Variants in GOT2 observed in about 807,000 individuals in gnomAD.
The protein encoded by GOT2 is glutamic-oxaloacetic transaminase 2.
GOT2 carries 17 observed loss-of-function variants against 50.0 expected under a neutral mutation model. The ratio of observed to expected loss-of-function variants is 0.34; its 90% confidence interval spans 0.23 to 0.51. The LOEUF (loss-of-function observed/expected upper bound fraction) is 0.51. Ranked by LOEUF, GOT2 falls within the 20% of genes least tolerant of loss-of-function variation. The probability of loss-of-function intolerance (pLI) is 0.97; values close to 1 mark genes in which losing one functional copy is unlikely to be tolerated. For synonymous variants in GOT2, 172 were observed against 204.9 expected, an observed-to-expected ratio of 0.84 and a Z score of 1.37; for missense variants, 430 against 559.6, an observed-to-expected ratio of 0.77 and a Z score of 2.34.
rs2044715193 is a variant in GOT2, at chr16:58,718,641, G to A, written c.483C>T (p.Thr161=). ...TGAAGATGGGTGTGTGGTTTCCCCAGGTTGGTTTGGGCAGAAAGACATCTC... is the reference window on the plus strand; with the variant it reads ...TGAAGATGGGTGTGTGGTTTCCCCAAGTTGGTTTGGGCAGAAAGACATCTC... ...FSRDVFLPKP[T]WGNHTPIFRD... is the part of the protein sequence containing the mutation. The change falls in exon 5 of 10, where the codon ACC becomes ACT. Residue 161 remains threonine (T), a synonymous_variant. Transcript: ENST00000245206. 2.5e-6 allele frequency: 4 copies of A among 1,604,090 alleles called. No homozygotes were observed. Among genetic ancestry groups the A allele is most frequent in the South Asian group, 1.1e-5 (1 of 89,636 alleles).
At position 58,734,008 on chromosome 16, in the gene GOT2, GA is replaced by G. The variant is rs569233623; in HGVS notation, c.89+131del. On this transcript the variant is annotated intron_variant, in intron 1 of 9. Transcript: ENST00000245206. Reference sequence around the variant, plus strand: ...GTAAGGGAAAGCCGAGGGGGTGGCAGAAAAGTGTGTGTGTGTGCGTGTGAGT... The same window carrying G: ...GTAAGGGAAAGCCGAGGGGGTGGCAGAAAGTGTGTGTGTGTGCGTGTGAGT... The G allele has an allele frequency of 3.8e-4, 141 of 374,924 alleles. No individual in the cohort carries two copies. In the African/African-American group the frequency reaches 5.7e-3, roughly 15 times the overall value. The allele number at this position is 374,924 out of a possible 1,614,324, so 23.2% of individuals were successfully genotyped here.
At chr16:58,730,404 A>G (rs553293671) in intron 1 of GOT2, among the ~76,000 whole-genome samples, 366 of 140,054 alleles carry the variant, frequency 2.6e-3, no homozygotes, top group African/African-American at 8.9e-3. Flanking sequence ...TTTTTTTTTG[A>G]GACAGGGTCT....
At chr16:58,732,021 T>C (rs1208139729) in intron 1 of GOT2, among the ~76,000 whole-genome samples, 1 of 152,216 alleles carries the variant, frequency 6.6e-6, no homozygotes, top group Non-Finnish European at 1.5e-5. Context: ...CAACATTAGG[T>C]GCTCAACTAT....
In GOT2 at chr16:58,727,156, TAAAC is replaced by T. The variant is rs560530845; in HGVS notation, c.90-3258_90-3255del. On this transcript the variant is annotated intron_variant, in intron 1 of 9. Coordinates refer to ENST00000245206, the MANE Select transcript of GOT2 (RefSeq NM_002080.4). ...GCAATAGAGCAAGACTCCGTCTCAA[TAAAC>T]AAACAAACAAAGAGATGGGTCTCAC... is the stretch of plus-strand genomic sequence containing the variant. Among the ~76,000 whole-genome samples, 27 of 152,166 alleles carry T rather than the reference TAAAC, an allele frequency of 1.8e-4. No homozygotes were observed. In the South Asian group the frequency reaches 4.6e-3, roughly 26 times the overall value.
At chr16:58,719,298 T>G in intron 3 of GOT2, 43 bp from the exon 4 acceptor site, 26 of 1,419,308 alleles carry the variant, frequency 1.8e-5, no homozygotes, top group Non-Finnish European at 2.3e-5. Context: ...CAACACTCTC[T>G]ATACAGGCCC....
intron 1 of GOT2, 111 bp downstream of exon 1, chr16:58,734,029 G>T: frequency 2.1e-6 from 1 of 480,816 alleles, no homozygotes; most frequent in Non-Finnish European, 3.4e-6. Context: ...GTGTGTGCGT[G>T]TGAGTGACAG....
intron 1 of GOT2, among the ~76,000 whole-genome samples, chr16:58,733,050 C>G (rs1367539880): frequency 6.6e-6 from 1 of 152,234 alleles, no homozygotes; most frequent in East Asian, 1.9e-4. Context: ...AGCATACATT[C>G]AAACGAAAGG....
chr16:58,722,605 G>A (rs1439664594), intron 2 of GOT2, among the ~76,000 whole-genome samples: 2 of 151,908 alleles, frequency 1.3e-5, no homozygotes, highest in Non-Finnish European at 2.9e-5. Flanking sequence ...CCTGACCTCA[G>A]GTGATCCACC....
At chr16:58,733,198 C>T (rs918839255) in intron 1 of GOT2, among the ~76,000 whole-genome samples, 1 of 152,172 alleles carries the variant, frequency 6.6e-6, no homozygotes, top group Non-Finnish European at 1.5e-5. Flanking sequence ...CTCCGGTCTC[C>T]ACTGGGAATG....
Position 58,722,226 on chromosome 16 carries a change from C to T in GOT2, c.299G>A (p.Gly100Glu), listed in dbSNP as rs775344608. Reference sequence around the variant, plus strand: ...TGCCTTGCAAAATTCAGCCAGTCCCCCAATGGGCAGGTATTCCTTGTCCAA... The same window carrying T: ...TGCCTTGCAAAATTCAGCCAGTCCCTCAATGGGCAGGTATTCCTTGTCCAA... ...KNLDKEYLPIGGLAEFCKASA... is the reference protein window; with the variant it reads ...KNLDKEYLPIEGLAEFCKASA... The change falls in exon 3 of 10, where the codon GGG (glycine) becomes GAG (glutamate). Residue 100 changes from glycine to glutamate, a missense_variant. Transcript: ENST00000245206. The T allele has an allele frequency of 1.6e-5, 26 of 1,613,082 alleles. No individual in the cohort carries two copies. The highest frequency in any genetic ancestry group is 2.2e-5 in the Non-Finnish European group (26 of 1,179,938).
chr16:58,711,156 G>A (rs1187190646), intron 8 of GOT2, among the ~76,000 whole-genome samples: 1 of 152,020 alleles, frequency 6.6e-6, no homozygotes, highest in Non-Finnish European at 1.5e-5. Flanking sequence ...ATTTTAGGTG[G>A]TGAGGACTGA....
At chr16:58,719,441 G>A (rs528740436) in intron 3 of GOT2, among the ~76,000 whole-genome samples, 186 bp from the exon 4 acceptor site, 73 of 152,322 alleles carry the variant, frequency 4.8e-4, no homozygotes, top group Non-Finnish European at 8.1e-4. Context: ...TGAAAAAGGG[G>A]TGAATTATAT....
At chr16:58,716,586 ACACC>A (rs1369241836) in intron 7 of GOT2, 73 bp downstream of exon 7, 40 of 1,153,798 alleles carry the variant, frequency 3.5e-5, no homozygotes, top group African/African-American at 8.1e-5. Flanking sequence ...ACACACACAC[ACACC>A]CACAAGCTCT....
At chr16:58,720,238 C>T (rs1265089373) in intron 3 of GOT2, among the ~76,000 whole-genome samples, 2 of 152,084 alleles carry the variant, frequency 1.3e-5, no homozygotes, top group African/African-American at 4.8e-5. Flanking sequence ...TCTAAGAGGT[C>T]CCCTTCTATG....
chr16:58,716,363 A>C, intron 7 of GOT2, 184 bp from the exon 8 acceptor site: 1 of 623,866 alleles, frequency 1.6e-6, no homozygotes, highest in Non-Finnish European at 2.7e-6. Flanking sequence ...TTGAGTACTC[A>C]GAGTATTCAA....
chr16:58,714,337 T>C (rs2044673004), intron 8 of GOT2, among the ~76,000 whole-genome samples: 1 of 152,138 alleles, frequency 6.6e-6, no homozygotes, highest in African/African-American at 2.4e-5. Flanking sequence ...GTTCACTTGA[T>C]GCCAGGAGTT....
chr16:58,718,759 T>C (rs774097672), intron 4 of GOT2, 71 bp from the exon 5 acceptor site: 357 of 1,285,020 alleles, frequency 2.8e-4, no homozygotes, highest in Non-Finnish European at 3.5e-4. Context: ...TGTGTTTTAT[T>C]GAGAGAACAT....
chr16:58,734,186 C>T lies in GOT2; in HGVS notation c.43G>A (p.Ala15Thr), dbSNP rs962419439. 1.5e-6 allele frequency: 2 copies of T among 1,334,308 alleles called. No individual in the cohort carries two copies. Among genetic ancestry groups the T allele is most frequent in the Non-Finnish European group, 1.9e-6 (2 of 1,036,630 alleles). 82.7% of individuals were successfully genotyped at this position (1,334,308 alleles called of 1,614,324 possible). ...GCGGCGAGGCCCGGGTGGAAGGCGG[C>T]GGCGATCCCGGGGAGGACGCGGCCG... ...HSGRVLPGIAAAFHPGLAAAA... is the reference protein window; with the variant it reads ...HSGRVLPGIATAFHPGLAAAA... Residue 15 changes from alanine to threonine, a missense_variant, in exon 1 of 10, where the codon GCC (alanine) becomes ACC (threonine). Physicochemically the swap from Ala to Thr is moderately conservative, Grantham distance 58. Transcript: ENST00000245206.
chr16:58,712,929 G>A (rs187588687), intron 8 of GOT2, among the ~76,000 whole-genome samples: 118 of 152,160 alleles, frequency 7.8e-4, no homozygotes, highest in African/African-American at 2.7e-3. Flanking sequence ...GAGAAACCCC[G>A]TCTCTACTAA....
Sources: gnomAD v4.1 joint callset for allele counts (sites outside exome capture counted in the v4.1 genomes callset) on GRCh38, gnomAD v4.1.1 for gene constraint, MANE v1.5 for transcripts, NCBI Gene and HGNC (gene_info 2026-07-23, HGNC 2026-07-21) for gene names.